The following MIPEP variants were observed in gnomAD, a reference collection of about 807,000 sequenced individuals.
The protein encoded by MIPEP is mitochondrial intermediate peptidase.
MIPEP carries 79 observed loss-of-function variants against 90.3 expected under a neutral mutation model. The observed-to-expected ratio is 0.87, with a 90% confidence interval of 0.73 to 1.05. The LOEUF (loss-of-function observed/expected upper bound fraction) is 1.05, where lower values mean the gene tolerates loss of function less well. Among genes scored for constraint, MIPEP ranks in the 50% least tolerant of loss-of-function variants. The pLI, the probability that MIPEP is intolerant of heterozygous loss-of-function variation, is 0.00. For missense variants in MIPEP, 940 were observed against 905.6 expected, an observed-to-expected ratio of 1.04 and a Z score of -0.49; for synonymous variants, 334 against 315.8, an observed-to-expected ratio of 1.06 and a Z score of -0.61.
At chr13:23,808,678 A>G (rs368597994) in intron 15 of MIPEP, among the ~76,000 whole-genome samples, 81 of 152,360 alleles carry the variant, frequency 5.3e-4, no homozygotes, top group African/African-American at 1.9e-3. Context: ...AGATATCAGC[A>G]AATCAAGACT....
At chr13:23,836,806 G>A (rs919948729) in intron 13 of MIPEP, among the ~76,000 whole-genome samples, 1 of 152,154 alleles carries the variant, frequency 6.6e-6, no homozygotes, top group African/African-American at 2.4e-5. Context: ...GTGAGGAAAA[G>A]AAATATTTTA....
chr13:23,812,223 C>T (rs893728489), intron 14 of MIPEP, among the ~76,000 whole-genome samples: 1 of 151,790 alleles, frequency 6.6e-6, no homozygotes, highest in African/African-American at 2.4e-5. Context: ...CCGTAGGGGA[C>T]GGTATGTGAG....
At chr13:23,805,355 A>G (rs187217628) in intron 16 of MIPEP, among the ~76,000 whole-genome samples, 242 of 152,316 alleles carry the variant, frequency 1.6e-3, no homozygotes, top group African/African-American at 5.7e-3. Flanking sequence ...CAGGACATAT[A>G]ATGTGTCTGT....
chr13:23,851,956 T>C (rs961809291), intron 10 of MIPEP, among the ~76,000 whole-genome samples: 2 of 152,210 alleles, frequency 1.3e-5, no homozygotes, highest in African/African-American at 4.8e-5. Flanking sequence ...AGTTATTATA[T>C]GTAACATCCA....
In MIPEP at chr13:23,742,460, T is replaced by C. The variant is rs17079277; in HGVS notation, c.2045-12015A>G. ...TTTGAAGTTCATAAAACTGGCACAA[T>C]GTCATCTACTTTGCTAGATTGTTAA... On this transcript the variant is annotated intron_variant, in intron 18 of 18. Transcript: ENST00000382172. Among the ~76,000 whole-genome samples the C allele has an allele frequency of 0.022, 3,414 of 152,300 alleles. 328 individuals carry two copies. In the East Asian group the frequency reaches 0.31, roughly 14 times the overall value.
Position 23,822,065 on chromosome 13 carries a change from A to G in MIPEP, c.1654-12141T>C, listed in dbSNP as rs1371346050. 2.0e-5 allele frequency among the ~76,000 whole-genome samples: 3 copies of G among 152,220 alleles called. No individual in the cohort carries two copies. The South Asian group carries it at 6.2e-4, about 31-fold the overall frequency. On this transcript the variant is annotated intron_variant, in intron 14 of 18. Transcript: ENST00000382172. ...ACAGTGTTGGAAAAGCAATTACCCT[A>G]ACAATAAATGGTGCCATTTGTACTA...
intron 10 of MIPEP, among the ~76,000 whole-genome samples, chr13:23,848,535 C>G (rs890569893): frequency 1.3e-5 from 2 of 152,128 alleles, no homozygotes; most frequent in Admixed American, 6.5e-5. Context: ...GCACTGCAAA[C>G]AAGGCATTGG....
At chr13:23,738,009 A>G (rs1565977176) in intron 18 of MIPEP, among the ~76,000 whole-genome samples, 1 of 152,214 alleles carries the variant, frequency 6.6e-6, no homozygotes, top group African/African-American at 2.4e-5. Flanking sequence ...TCAATGGCTG[A>G]GTATGATCCA....
rs533106849 is a variant in MIPEP at position 23,753,868 on chromosome 13, A to C, written c.2044+2677T>G. On this transcript the variant is annotated intron_variant, in intron 18 of 18. Transcript: ENST00000382172. ...AGCATTCCCTATTTGACTTCTCTGA[A>C]TTTGTATCATTCAAAGAGCACAAAT... is the stretch of plus-strand genomic sequence containing the variant. Among the ~76,000 whole-genome samples the C allele has an allele frequency of 1.7e-4, 26 of 152,296 alleles. 1 individual carries two copies. Among genetic ancestry groups the C allele is most frequent in the African/African-American group, 5.5e-4 (23 of 41,572 alleles).
At chr13:23,868,420 AGAGGAACATGCTAGGGTGAGAAGG>A (rs1870637390) in intron 7 of MIPEP, among the ~76,000 whole-genome samples, 2 of 152,314 alleles carry the variant, frequency 1.3e-5, no homozygotes, top group Admixed American at 6.5e-5. Context: ...TTTGGAGAAG[AGAGGAACATGCTAGGGTGAGAAGG>A]GATAAGCACA....
chr13:23,813,234 GGT>G (rs1190626432), intron 14 of MIPEP, among the ~76,000 whole-genome samples: 5 of 152,016 alleles, frequency 3.3e-5, no homozygotes, highest in African/African-American at 1.2e-4. Context: ...AATGTTTCCT[GGT>G]CAAGATTTTC....
At chr13:23,831,387 G>GGAGA (rs1555237554) in intron 14 of MIPEP, among the ~76,000 whole-genome samples, 4 of 140,338 alleles carry the variant, frequency 2.9e-5, no homozygotes, top group African/African-American at 5.1e-5. Flanking sequence ...CCATGGCGGG[G>GGAGA]GGGGGATGTG....
chr13:23,739,065 T>C (rs1355623984), intron 18 of MIPEP, among the ~76,000 whole-genome samples: 2 of 152,252 alleles, frequency 1.3e-5, no homozygotes, highest in South Asian at 2.1e-4. Flanking sequence ...TAGACGATTG[T>C]AATTTTCTAC....
Position 23,730,283 on chromosome 13 carries a change from C to T in MIPEP, c.*65G>A. Reference sequence around the variant, plus strand: ...TGAAATCAGAAACAAGCTCTCACAGCTGTAGCATTTATAACAAAGTCATTA... The same window carrying T: ...TGAAATCAGAAACAAGCTCTCACAGTTGTAGCATTTATAACAAAGTCATTA... On this transcript the variant is annotated 3_prime_UTR_variant, in exon 19 of 19. Transcript: ENST00000382172. 3.8e-6 allele frequency: 4 copies of T among 1,039,730 alleles called. No homozygotes were observed. The South Asian group carries it at 5.5e-5, about 14-fold the overall frequency. The allele number at this position is 1,039,730 out of a possible 1,614,324, so 64.4% of individuals were successfully genotyped here.
chr13:23,888,744 GGGATA>G, intron 1 of MIPEP: 10 of 1,023,052 alleles, frequency 9.8e-6, no homozygotes, highest in Non-Finnish European at 1.2e-5. Flanking sequence ...TGAACGCACA[GGGATA>G]GGCCTCTTAA....
intron 16 of MIPEP, among the ~76,000 whole-genome samples, chr13:23,798,695 C>A (rs879853724): frequency 6.6e-6 from 1 of 152,180 alleles, no homozygotes; most frequent in South Asian, 2.1e-4. Context: ...CTTGTAAGAT[C>A]GGGTTGTTTA....
chr13:23,818,331 A>G (rs1953266057), intron 14 of MIPEP, among the ~76,000 whole-genome samples: 1 of 152,078 alleles, frequency 6.6e-6, no homozygotes, highest in African/African-American at 2.4e-5. Flanking sequence ...GAGGCATGAG[A>G]ATCGCTGGAA....
Position 23,730,363 on chromosome 13 carries a change from G to A in MIPEP, c.2127C>T (p.Leu709=). The A allele has an allele frequency of 6.2e-7, 1 of 1,609,942 alleles. No individual in the cohort carries two copies. The highest frequency in any genetic ancestry group is 1.1e-5 in the South Asian group (1 of 90,762). The change falls in exon 19 of 19, where the codon CTC becomes CTT. Residue 709 remains leucine, a synonymous_variant. Coordinates refer to ENST00000382172, the MANE Select transcript of MIPEP (RefSeq NM_005932.4). ...AGTGTTTCTTTTATTCAGAATCCAT[G>A]AGGAAAGTTTCGAAGTCCAGATCCA... ...SDLDLDFETF[L]MDSE
At chr13:23,783,761 T>C (rs537750063) in intron 16 of MIPEP, among the ~76,000 whole-genome samples, 1 of 152,326 alleles carries the variant, frequency 6.6e-6, no homozygotes, top group Admixed American at 6.5e-5. Context: ...AGTCTCAGGA[T>C]ACAAAATCAA....
Sources: gnomAD v4.1 joint callset for allele counts (sites outside exome capture counted in the v4.1 genomes callset) on GRCh38, gnomAD v4.1.1 for gene constraint, MANE v1.5 for transcripts, NCBI Gene and HGNC (gene_info 2026-07-23, HGNC 2026-07-21) for gene names.